SCN2A: variants seen among roughly 807,000 people sequenced by gnomAD.
The protein encoded by SCN2A is sodium voltage-gated channel alpha subunit 2.
In SCN2A, 20 loss-of-function variants were observed where a neutral mutation model predicts 188.7. The observed-to-expected ratio is 0.11, with a 90% CI of 0.07 to 0.15. SCN2A has a LOEUF of 0.15. SCN2A is among the 10% of genes least tolerant of loss of function. The pLI is 1.00. For missense variants in SCN2A, 1,278 were observed against 2,445.0 expected (o/e 0.52, Z 10.07); for synonymous variants, 804 against 833.1 (o/e 0.97, Z 0.60).
intron 1 of SCN2A, chr2:165,285,733 C>A: frequency 5.1e-6 from 1 of 197,798 alleles, no homozygotes; most frequent in South Asian, 1.1e-4. Context: ...AGGACCATTT[C>A]CACAAATAAC....
intron 16 of SCN2A, among the ~76,000 whole-genome samples, chr2:165,350,824 T>A (rs186855849): frequency 1.3e-5 from 2 of 152,158 alleles, no homozygotes; most frequent in Non-Finnish European, 2.9e-5. Flanking sequence ...CCAGCTGTTA[T>A]GCGCATACCC....
intron 16 of SCN2A, among the ~76,000 whole-genome samples, chr2:165,345,221 A>G (rs1406748452): frequency 6.6e-6 from 1 of 152,190 alleles, no homozygotes; most frequent in Admixed American, 6.5e-5. Flanking sequence ...CATTTTATTT[A>G]TAAGTACTAG....
intron 3 of SCN2A, among the ~76,000 whole-genome samples, chr2:165,302,093 T>G (rs1696845148): frequency 6.6e-6 from 1 of 152,192 alleles, no homozygotes; most frequent in African/African-American, 2.4e-5. Context: ...ACTTACTGAT[T>G]CATTAAATAG....
chr2:165,317,546 C>T (rs2105264326), intron 11 of SCN2A, among the ~76,000 whole-genome samples: 1 of 152,228 alleles, frequency 6.6e-6, no homozygotes. Context: ...TCATATCAAA[C>T]ACTTACCACA....
chr2:165,291,400 CTT>C (rs1696120387), intron 1 of SCN2A, among the ~76,000 whole-genome samples: 1 of 146,620 alleles, frequency 6.8e-6, no homozygotes, highest in Non-Finnish European at 1.5e-5. Context: ...TCCTTCCTTC[CTT>C]CCTTCCTTCC....
intron 1 of SCN2A, among the ~76,000 whole-genome samples, chr2:165,281,400 G>A (rs1277017807): frequency 6.6e-6 from 1 of 151,942 alleles, no homozygotes; most frequent in African/African-American, 2.4e-5. Flanking sequence ...ACTAGTAGGT[G>A]CTAAGGGAAT....
Position 165,373,365 on chromosome 2 carries a change from A to C in SCN2A, c.3972+18A>C, listed in dbSNP as rs563061558. 1 of 1,612,416 alleles carries C rather than the reference A, an allele frequency of 6.2e-7. No homozygotes were observed. ...GAATGAGGGTAAGACTGAATGCCTTAGAGTTTGTCAGAATTATTATTGAGA... is the reference window on the plus strand; with the variant it reads ...GAATGAGGGTAAGACTGAATGCCTTCGAGTTTGTCAGAATTATTATTGAGA... On this transcript the variant is annotated intron_variant, in intron 21 of 26. Coordinates refer to ENST00000375437, the MANE Select transcript of SCN2A (RefSeq NM_001040142.2).
intron 17 of SCN2A, among the ~76,000 whole-genome samples, chr2:165,355,110 G>A (rs1001946539): frequency 7.9e-5 from 12 of 152,088 alleles, no homozygotes; most frequent in Admixed American, 2.0e-4. Context: ...TCATAAAATA[G>A]TATTGTATTT....
chr2:165,273,234 A>G (rs1695181809), intron 1 of SCN2A: 1 of 152,188 alleles, frequency 6.6e-6, no homozygotes. Context: ...GATAGAAATT[A>G]TAACTAAGGA....
intron 1 of SCN2A, among the ~76,000 whole-genome samples, chr2:165,282,875 A>G (rs1695642007): frequency 6.6e-6 from 1 of 152,226 alleles, no homozygotes. Context: ...ATATAGAACA[A>G]AAAGGTCACT....
intron 1 of SCN2A, among the ~76,000 whole-genome samples, chr2:165,249,055 GAT>G (rs1011924478): frequency 3.3e-5 from 5 of 152,002 alleles, no homozygotes; most frequent in Non-Finnish European, 5.9e-5. Flanking sequence ...ACCTTTTCCT[GAT>G]ATATATGACA....
chr2:165,328,986 CTTTT>C lies in SCN2A; in HGVS notation c.2149+2022_2149+2025del, dbSNP rs1269103949. Among the ~76,000 whole-genome samples, 8 of 89,390 alleles carry C rather than the reference CTTTT, an allele frequency of 8.9e-5. No homozygotes were observed. In the East Asian group the frequency reaches 1.9e-3, roughly 21 times the overall value. 58.6% of individuals were successfully genotyped at this position (89,390 alleles called of 152,430 possible). A position where few individuals can be genotyped will look rare whatever the true frequency, so the allele number is the denominator to read the frequency against. The stretch of plus-strand genomic sequence containing the variant: ...ATACTCAAGCAGACTTAAGATAGTC[CTTTT>C]TTTTTTTTTTTTTTTTTTTGGTTTC... On this transcript the variant is annotated intron_variant, in intron 13 of 26. Coordinates refer to ENST00000375437, the MANE Select transcript of SCN2A (RefSeq NM_001040142.2).
chr2:165,261,956 G>A (rs917534861), intron 1 of SCN2A, among the ~76,000 whole-genome samples: 1 of 152,086 alleles, frequency 6.6e-6, no homozygotes, highest in African/African-American at 2.4e-5. Context: ...ACTGAAAAAT[G>A]TCACAAGTGG....
chr2:165,383,766 C>T (rs951489283), intron 25 of SCN2A, among the ~76,000 whole-genome samples: 1 of 152,112 alleles, frequency 6.6e-6, no homozygotes, highest in South Asian at 2.1e-4. Context: ...AAGGAACCAA[C>T]AAGAATGACT....
chr2:165,266,448 G>A (rs1258090781), intron 1 of SCN2A: 1 of 152,108 alleles, frequency 6.6e-6, no homozygotes, highest in East Asian at 1.9e-4. Flanking sequence ...CAAAGAAGAT[G>A]AAGATGAGTA....
Position 165,295,923 on chromosome 2 carries a change from G to A in SCN2A, c.100G>A (p.Ala34Thr), listed in dbSNP as rs144814658. 5.9e-4 allele frequency: 953 copies of A among 1,614,094 alleles called. 1 individual carries two copies. Among genetic ancestry groups the A allele is most frequent in the Admixed American group, 8.7e-4 (52 of 59,990 alleles). ...AIEQRIAEEK[A>T]KRPKQERKDE... ...TGAACAACGCATTGCAGAAGAGAAA[G>A]CTAAGAGACCCAAACAGGAACGCAA... The change falls in exon 2 of 27, where the codon GCT becomes ACT. Residue 34 changes from alanine (A) to threonine (T), a missense_variant. This residue lies in a region of SCN2A where 141 missense variants were observed against 185.4 expected (regional missense o/e 0.76). Transcript: ENST00000375437.
rs553026899 is a variant in SCN2A at position 165,307,875 on chromosome 2, G to T, written c.414G>T (p.Thr138=). ...HSLFNMLIMC[T]ILTNCVFMTM... ...TATTCAATATGCTCATTATGTGCAC[G>T]ATTCTTACCAACTGTGTATTTATGA... is the stretch of plus-strand genomic sequence containing the variant. The change falls in exon 4 of 27, where the codon ACG becomes ACT. Residue 138 remains threonine, a synonymous_variant. Coordinates refer to ENST00000375437, the MANE Select transcript of SCN2A (RefSeq NM_001040142.2). The T allele has an allele frequency of 6.2e-7, 1 of 1,610,912 alleles. No individual in the cohort carries two copies. Among genetic ancestry groups the T allele is most frequent in the East Asian group, 2.2e-5 (1 of 44,786 alleles).
Position 165,391,572 on chromosome 2 carries a change from G to T in SCN2A, c.*1748G>T, listed in dbSNP as rs1025415794. On this transcript the variant is annotated 3_prime_UTR_variant, in exon 27 of 27. Transcript: ENST00000375437. ...GCTTTTTTATTAGTACTGTAAACTT[G>T]CACACATTTCAATGTGAAACAAATC... 6.6e-6 allele frequency: 1 copy of T among 152,318 alleles called. No individual in the cohort carries two copies. Among genetic ancestry groups the T allele is most frequent in the Non-Finnish European group, 1.5e-5 (1 of 67,952 alleles). 9.4% of individuals were successfully genotyped at this position (152,318 alleles called of 1,614,324 possible).
chr2:165,348,035 G>T (rs1699691745), intron 16 of SCN2A, among the ~76,000 whole-genome samples: 1 of 152,044 alleles, frequency 6.6e-6, no homozygotes, highest in South Asian at 2.1e-4. Flanking sequence ...CAATGGAATA[G>T]AAAAATGACT....
Sources: gnomAD v4.1 joint callset for allele counts (sites outside exome capture counted in the v4.1 genomes callset) on GRCh38, gnomAD v4.1.1 for gene constraint, gnomAD v4.1.1 regional missense constraint, MANE v1.5 for transcripts, NCBI Gene and HGNC (gene_info 2026-07-23, HGNC 2026-07-21) for gene names.